Variants in MRPL16 observed in about 807,000 individuals in gnomAD.
The protein encoded by MRPL16 is large ribosomal subunit protein uL16m.
A neutral mutation model predicts 22.7 loss-of-function variants in MRPL16; 17 were observed. The observed-to-expected ratio is 0.75, with a 90% CI of 0.51 to 1.12. The LOEUF is 1.12. Among genes scored for constraint, MRPL16 ranks in the 50% most tolerant of loss-of-function variants. The pLI, the probability that MRPL16 is intolerant of heterozygous loss-of-function variation, is 0.00. For missense variants in MRPL16, 316 were observed against 328.7 expected, an observed-to-expected ratio of 0.96 and a Z score of 0.30; for synonymous variants, 103 against 112.8, an observed-to-expected ratio of 0.91 and a Z score of 0.55.
chr11:59,806,865 C>G (rs1438285475), intron 3 of MRPL16, 33 bp from the exon 4 acceptor site: 2 of 1,586,780 alleles, frequency 1.3e-6, no homozygotes, highest in African/African-American at 2.7e-5. Context: ...GAAACACATG[C>G]GGACTTCGAC....
intron 2 of MRPL16, among the ~76,000 whole-genome samples, chr11:59,809,139 G>A (rs1805672327): frequency 6.6e-6 from 1 of 152,058 alleles, no homozygotes; most frequent in South Asian, 2.1e-4. Context: ...ACCCTCAGAT[G>A]TACAGACCCT....
At chr11:59,810,004 TTTA>T in intron 1 of MRPL16, 84 bp from the exon 2 acceptor site, 1 of 1,088,326 alleles carries the variant, frequency 9.2e-7, no homozygotes, top group Middle Eastern at 3.1e-4. Flanking sequence ...ACTTCTTATT[TTTA>T]TTTATTTTAT....
rs746870214 is a variant in MRPL16 at position 59,806,607 on chromosome 11, G to T, written c.496C>A (p.Arg166Ser). ...CCTTGCACTTCTTCAAATTCACAAC[G>T]CCCACCCATCTCTACAACAAGGCGG... The part of the protein sequence containing the change: ...AGRLVVEMGG[R>S]CEFEEVQGFL... Residue 166 changes from arginine to serine, a missense_variant, in exon 4 of 4, where the codon CGT becomes AGT. Arg to Ser is a moderately radical substitution (Grantham distance 110, BLOSUM62 -1). Transcript: ENST00000300151. The T allele has an allele frequency of 1.9e-6, 3 of 1,614,122 alleles. No homozygotes were observed. Among genetic ancestry groups the T allele is most frequent in the Non-Finnish European group, 2.5e-6 (3 of 1,180,032 alleles).
rs1374201253 is a variant in MRPL16, at chr11:59,807,778, CTCT to C, written c.190_192del (p.Arg64del). On this transcript the variant is annotated inframe_deletion, in exon 3 of 4. Coordinates refer to ENST00000300151, the MANE Select transcript of MRPL16 (RefSeq NM_017840.4). ...CGTATGTCACTTAAATTTTTAGGTT[CTCT>C]TCTTACTTTTGGCACAAGTGGTGCC... 8 of 1,613,492 alleles carry C rather than the reference CTCT, an allele frequency of 5.0e-6. No individual in the cohort carries two copies. Among genetic ancestry groups the C allele is most frequent in the Non-Finnish European group, 5.9e-6 (7 of 1,179,772 alleles).
chr11:59,807,525 T>A, intron 3 of MRPL16, 176 bp downstream of exon 3: 1 of 529,450 alleles, frequency 1.9e-6, no homozygotes, highest in Non-Finnish European at 3.1e-6. Flanking sequence ...AAAAAAGATA[T>A]ATAACCCAAA....
chr11:59,807,494 T>C (rs1407967079), intron 3 of MRPL16: 1 of 410,212 alleles, frequency 2.4e-6, no homozygotes, highest in Non-Finnish European at 4.2e-6. Context: ...TTTTACGTTA[T>C]TTTCACTCTA....
chr11:59,810,752 T>C lies in MRPL16; in HGVS notation c.-94A>G. The C allele has an allele frequency of 6.9e-7, 1 of 1,449,384 alleles. No individual in the cohort carries two copies. Among genetic ancestry groups the C allele is most frequent in the Non-Finnish European group, 9.6e-7 (1 of 1,037,166 alleles). The allele number at this position is 1,449,384 out of a possible 1,614,324, so 89.8% of individuals were successfully genotyped here. A position where few individuals can be genotyped will look rare whatever the true frequency, so the allele number is the denominator to read the frequency against. On this transcript the variant is annotated 5_prime_UTR_variant, in exon 1 of 4. Coordinates refer to ENST00000300151, the MANE Select transcript of MRPL16 (RefSeq NM_017840.4). ...GCGGCGCTCCACTACCTAGCTGTAA[T>C]CGGCTCAGGACACCGCTCAGTGGGG...
Position 59,810,733 on chromosome 11 carries a change from C to G in MRPL16, c.-75G>C. 1 of 1,555,838 alleles carries G rather than the reference C, an allele frequency of 6.4e-7. No individual in the cohort carries two copies. The highest frequency in any genetic ancestry group is 1.1e-5 in the South Asian group (1 of 89,580). On this transcript the variant is annotated 5_prime_UTR_variant, in exon 1 of 4. Transcript: ENST00000300151. ...TCCTGCACCCAGGTAAGCAGCGGCG[C>G]TCCACTACCTAGCTGTAATCGGCTC...
At chr11:59,806,887 G>A in intron 3 of MRPL16, 55 bp from the exon 4 acceptor site, 1 of 1,554,342 alleles carries the variant, frequency 6.4e-7, no homozygotes, top group Non-Finnish European at 8.7e-7. Context: ...TCATCTATGG[G>A]CTCATTATTT....
intron 1 of MRPL16, chr11:59,810,168 G>A (rs1866158533): frequency 5.6e-6 from 4 of 715,680 alleles, no homozygotes; most frequent in African/African-American, 1.9e-5. Context: ...ACCACGCCCA[G>A]CTAATTTTTT....
At position 59,809,927 on chromosome 11, in the gene MRPL16, A is replaced by T. The variant is rs766870573; in HGVS notation, c.56-7T>A. 2 of 1,611,378 alleles carry T rather than the reference A, an allele frequency of 1.2e-6. No individual in the cohort carries two copies. The highest frequency in any genetic ancestry group is 1.7e-6 in the Non-Finnish European group (2 of 1,179,074). On this transcript the variant is annotated splice_region_variant and splice_polypyrimidine_tract_variant and intron_variant, in intron 1 of 3. Coordinates refer to ENST00000300151, the MANE Select transcript of MRPL16 (RefSeq NM_017840.4). ...GGGAGGAGTGCCCAGGAATCTACAA[A>T]GACAAATCAAGTTAAACGACGAAGG... is the stretch of plus-strand genomic sequence containing the variant.
intron 3 of MRPL16, chr11:59,807,490 G>A (rs900516207): frequency 2.0e-5 from 8 of 390,668 alleles, no homozygotes; most frequent in Non-Finnish European, 3.1e-5. Context: ...CTGCTTTTAC[G>A]TTATTTTCAC....
chr11:59,807,905 A>G (rs936857106), intron 2 of MRPL16, 56 bp from the exon 3 acceptor site: 18 of 1,460,298 alleles, frequency 1.2e-5, no homozygotes, highest in Non-Finnish European at 1.5e-5. Context: ...CAAAAGATCT[A>G]TTTTCCTAGA....
chr11:59,807,313 T>C (rs1866117526), intron 3 of MRPL16: 1 of 181,380 alleles, frequency 5.5e-6, no homozygotes, highest in East Asian at 1.5e-4. Flanking sequence ...CAAATCCTAG[T>C]GCACACCCAT....
chr11:59,809,829 C>T (rs1397627481), intron 2 of MRPL16, 26 bp downstream of exon 2: 1 of 1,596,890 alleles, frequency 6.3e-7, no homozygotes, highest in Non-Finnish European at 8.6e-7. Flanking sequence ...AAAAGATTTA[C>T]GAACAGGAGA....
In MRPL16 at chr11:59,806,637, C is replaced by A. The variant is rs754145436; in HGVS notation, c.466G>T (p.Ala156Ser). The A allele has an allele frequency of 6.2e-7, 1 of 1,614,262 alleles. No individual in the cohort carries two copies. Among genetic ancestry groups the A allele is most frequent in the Admixed American group, 1.7e-5 (1 of 60,032 alleles). ...CCCATCTCTACAACAAGGCGGCCAG[C>A]CTTCACAGGTGTCACGTAGTGGTCA... ...AIDHYVTPVK[A>S]GRLVVEMGGR... Residue 156 changes from alanine to serine, a missense_variant, in exon 4 of 4, where the codon GCT becomes TCT. Coordinates refer to ENST00000300151, the MANE Select transcript of MRPL16 (RefSeq NM_017840.4).
chr11:59,807,657 C>G, intron 3 of MRPL16, 44 bp downstream of exon 3: 2 of 1,576,028 alleles, frequency 1.3e-6, no homozygotes, highest in Non-Finnish European at 1.7e-6. Context: ...TTTTGTTATT[C>G]CCTAGCTTCC....
At chr11:59,808,905 T>C (rs868811997) in intron 2 of MRPL16, 1 of 152,206 alleles carries the variant, frequency 6.6e-6, no homozygotes, top group Admixed American at 6.5e-5. Context: ...AAAGTTAACA[T>C]ACAAATCATT....
At position 59,806,553 on chromosome 11, in the gene MRPL16, G is replaced by T; in HGVS notation, c.550C>A (p.Pro184Thr). 1 of 1,614,242 alleles carries T rather than the reference G, an allele frequency of 6.2e-7. No homozygotes were observed. The highest frequency in any genetic ancestry group is 8.5e-7 in the Non-Finnish European group (1 of 1,180,044). ...GFLDQVAHKLPFAAKAVSRGT... is the reference protein window; with the variant it reads ...GFLDQVAHKLTFAAKAVSRGT... ...CGGCTCACAGCCTTTGCTGCGAAGGGCAACTTGTGGGCAACCTGGTCAAGG... is the reference window on the plus strand; with the variant it reads ...CGGCTCACAGCCTTTGCTGCGAAGGTCAACTTGTGGGCAACCTGGTCAAGG... The change falls in exon 4 of 4, where the codon CCC becomes ACC. Residue 184 changes from proline (P) to threonine (T), a missense_variant. Transcript: ENST00000300151.
Sources: gnomAD v4.1 joint callset for allele counts (sites outside exome capture counted in the v4.1 genomes callset) on GRCh38, gnomAD v4.1.1 for gene constraint, MANE v1.5 for transcripts, NCBI Gene and HGNC (gene_info 2026-07-23, HGNC 2026-07-21) for gene names.